The following ZFHX3 variants were observed in gnomAD, a reference collection of about 807,000 sequenced individuals.
ZFHX3 encodes zinc finger homeobox 3.
A neutral mutation model predicts 279.1 loss-of-function variants in ZFHX3; 42 were observed. The ratio of observed to expected loss-of-function variants is 0.15; its 90% CI spans 0.12 to 0.19. The LOEUF is 0.19. Ranked by LOEUF, ZFHX3 falls within the 10% of genes least tolerant of loss-of-function variation. ZFHX3 has a pLI of 1.00. For missense variants in ZFHX3, 4,981 were observed against 4,754.0 expected, an observed-to-expected ratio of 1.05 and a Z score of -1.40; for synonymous variants, 2,293 against 1,957.8, an observed-to-expected ratio of 1.17 and a Z score of -4.52.
intron 2 of ZFHX3, among the ~76,000 whole-genome samples, chr16:73,508,750 G>A (rs2019371890): frequency 1.3e-5 from 2 of 152,174 alleles, no homozygotes; most frequent in African/African-American, 4.8e-5. Context: ...GTCCAGACAC[G>A]AATGAATACT....
intron 1 of ZFHX3, among the ~76,000 whole-genome samples, chr16:73,713,521 G>T (rs1394148604): frequency 6.6e-6 from 1 of 152,100 alleles, no homozygotes; most frequent in Non-Finnish European, 1.5e-5. Flanking sequence ...TGAAGCTGGC[G>T]CAGCAGCATT....
At chr16:73,720,508 C>T (rs935228763) in intron 1 of ZFHX3, among the ~76,000 whole-genome samples, 7 of 152,112 alleles carry the variant, frequency 4.6e-5, no homozygotes, top group African/African-American at 1.7e-4. Context: ...TTAAATCATG[C>T]TTTTAAAGTA....
intron 1 of ZFHX3, among the ~76,000 whole-genome samples, chr16:73,781,412 T>C (rs552147009): frequency 7.2e-5 from 11 of 152,150 alleles, no homozygotes; most frequent in Non-Finnish European, 1.3e-4. Flanking sequence ...TGGGAACCAC[T>C]GGTGTAGATC....
In ZFHX3 at chr16:73,798,610, T is replaced by C. The variant is rs894581572; in HGVS notation, c.-1608+93041A>G. ...ACACACACACACACACAGGCACACA[T>C]CTTGTGGGAATAGCTTGTCTGAAGG... On this transcript the variant is annotated intron_variant, in intron 1 of 17. Coordinates refer to the ZFHX3 transcript ENST00000641206. Among the ~76,000 whole-genome samples the C allele has an allele frequency of 4.6e-5, 7 of 152,036 alleles. No individual in the cohort carries two copies. In the South Asian group the frequency reaches 1.0e-3, roughly 23 times the overall value.
intron 1 of ZFHX3, among the ~76,000 whole-genome samples, chr16:72,990,887 C>T (rs958921879): frequency 2.6e-5 from 4 of 151,926 alleles, no homozygotes; most frequent in South Asian, 4.2e-4. Flanking sequence ...GGCTGAGGTA[C>T]AAGAATCGCT....
At chr16:73,102,099 A>C (rs574076599) in intron 7 of ZFHX3, among the ~76,000 whole-genome samples, 1 of 151,832 alleles carries the variant, frequency 6.6e-6, no homozygotes, top group Admixed American at 6.6e-5. Context: ...TTTTTAGTAG[A>C]GACGAGGTTT....
chr16:73,811,065 A>G (rs141861687), intron 1 of ZFHX3, among the ~76,000 whole-genome samples: 3 of 152,204 alleles, frequency 2.0e-5, no homozygotes, highest in Non-Finnish European at 4.4e-5. Context: ...AAATACAAAG[A>G]TATCAAATAG....
Position 72,958,426 on chromosome 16 carries a change from T to C in ZFHX3, c.1720A>G (p.Ser574Gly). Residue 574 changes from serine to glycine, a missense_variant, in exon 2 of 10, where the codon AGT becomes GGT. Around this residue, in one of 7 missense-constraint regions of ZFHX3, gnomAD observed 1,068 missense variants for 935.2 expected, o/e 1.14. Coordinates refer to ENST00000268489, the MANE Select transcript of ZFHX3 (RefSeq NM_006885.4). ...GCCACATTGGCCCTGACGCCCTCACTGTTAAAGCTTAAACGATTCCTCCTG... is the reference window on the plus strand; with the variant it reads ...GCCACATTGGCCCTGACGCCCTCACCGTTAAAGCTTAAACGATTCCTCCTG... ...ANRRNRLSFN[S>G]EGVRANVAEG... is the part of the protein sequence containing the mutation. 1.9e-6 allele frequency: 3 copies of C among 1,614,192 alleles called. No homozygotes were observed. The highest frequency in any genetic ancestry group is 2.5e-6 in the Non-Finnish European group (3 of 1,180,036).
chr16:73,483,348 A>AC (rs2018906741), intron 2 of ZFHX3: 4 of 413,286 alleles, frequency 9.7e-6, no homozygotes, highest in Admixed American at 8.2e-5. Flanking sequence ...AGAGAGAGAG[A>AC]GAAAGAGAGA....
intron 2 of ZFHX3, among the ~76,000 whole-genome samples, chr16:73,603,419 T>C (rs2052144190): frequency 6.6e-6 from 1 of 152,102 alleles, no homozygotes; most frequent in African/African-American, 2.4e-5. Flanking sequence ...CAAAATTAAA[T>C]GTAATTAAGA....
chr16:73,326,234 C>T (rs564569440), intron 3 of ZFHX3, among the ~76,000 whole-genome samples: 70 of 152,268 alleles, frequency 4.6e-4, no homozygotes, highest in Non-Finnish European at 8.7e-4. Context: ...ATATCATATG[C>T]AACGGCCATT....
At chr16:73,863,641 C>T (rs1045233205) in intron 1 of ZFHX3, among the ~76,000 whole-genome samples, 1 of 152,204 alleles carries the variant, frequency 6.6e-6, no homozygotes, top group African/African-American at 2.4e-5. Context: ...TTCATTCCAA[C>T]ATAGATCAGT....
intron 4 of ZFHX3, among the ~76,000 whole-genome samples, chr16:73,304,575 C>A (rs917854213): frequency 2.0e-5 from 3 of 152,212 alleles, no homozygotes; most frequent in African/African-American, 4.8e-5. Context: ...AGCGCATGCT[C>A]CCGTCTCGCC....
Position 73,634,456 on chromosome 16 carries a change from AT to A in ZFHX3, c.-1547+45723del, listed in dbSNP as rs5817857. On this transcript the variant is annotated intron_variant, in intron 2 of 17. Coordinates refer to the ZFHX3 transcript ENST00000641206. ...ATAATATATATATATATATATATATATATATAAAATATATATGTAAAAGTCA... is the reference window on the plus strand; with the variant it reads ...ATAATATATATATATATATATATATAATATAAAATATATATGTAAAAGTCA... Among the ~76,000 whole-genome samples the A allele has an allele frequency of 1.7e-3, 247 of 145,620 alleles. 6 individuals are homozygous for A. The East Asian group carries it at 0.042, about 25-fold the overall frequency.
intron 3 of ZFHX3, among the ~76,000 whole-genome samples, chr16:73,415,907 G>A (rs112477960): frequency 0.26 from 39,957 of 151,932 alleles, 5,853 homozygotes; most frequent in Middle Eastern, 0.42. Flanking sequence ...ATCACCTGAG[G>A]TCAGGAGTTC....
intron 3 of ZFHX3, among the ~76,000 whole-genome samples, chr16:72,903,690 G>A (rs548590756): frequency 9.8e-5 from 15 of 152,294 alleles, no homozygotes; most frequent in South Asian, 2.1e-4. Flanking sequence ...TATTAGTTGA[G>A]AAAGATCATG....
At position 73,152,921 on chromosome 16, in the gene ZFHX3, C is replaced by T. The variant is rs1314112477; in HGVS notation, c.-1103-9090G>A. ...GCAGCTCTGGAGATGTGTTCAAAGG[C>T]TCTTTCCTGACCACAGGCTGAGCCG... On this transcript the variant is annotated intron_variant, in intron 5 of 17. Coordinates refer to the ZFHX3 transcript ENST00000641206. Among the ~76,000 whole-genome samples the T allele has an allele frequency of 3.9e-5, 6 of 152,064 alleles. No homozygotes were observed. In the East Asian group the frequency reaches 1.2e-3, roughly 29 times the overall value.
intron 1 of ZFHX3, among the ~76,000 whole-genome samples, chr16:73,036,689 G>GCGCTTTGATCCCCTCGGT (rs1964920347): frequency 6.6e-6 from 1 of 152,128 alleles, no homozygotes. Context: ...GCCCCTCCCG[G>GCGCTTTGATCCCCTCGGT]CGCTTTGATC....
intron 5 of ZFHX3, among the ~76,000 whole-genome samples, chr16:73,194,945 C>T (rs1021060549): frequency 6.6e-5 from 10 of 152,072 alleles, no homozygotes; most frequent in Non-Finnish European, 1.3e-4. Context: ...TTTGCAAGAA[C>T]CTGAATCAAA....
Sources: gnomAD v4.1 joint callset for allele counts (sites outside exome capture counted in the v4.1 genomes callset) on GRCh38, gnomAD v4.1.1 for gene constraint, gnomAD v4.1.1 regional missense constraint, MANE v1.5 for transcripts, NCBI Gene and HGNC (gene_info 2026-07-23, HGNC 2026-07-21) for gene names.